EIF4ENIF1: variants seen among roughly 807,000 people sequenced by gnomAD.
EIF4ENIF1 encodes the protein eukaryotic translation initiation factor 4E nuclear import factor 1.
Under a neutral mutation model 110.5 loss-of-function variants are expected in EIF4ENIF1, and 23 were observed. That is an observed-to-expected ratio of 0.21 (90% confidence interval 0.15 to 0.29). The LOEUF is 0.29. Ranked by LOEUF, EIF4ENIF1 falls within the 10% of genes least tolerant of loss-of-function variation. EIF4ENIF1 has a pLI of 1.00. For synonymous variants in EIF4ENIF1, 440 were observed against 437.0 expected (o/e 1.01, Z -0.09); for missense variants, 1,031 against 1,221.1 (o/e 0.84, Z 2.32).
chr22:31,479,794 C>G (rs2051743129), intron 2 of EIF4ENIF1, among the ~76,000 whole-genome samples: 1 of 150,080 alleles, frequency 6.7e-6, no homozygotes, highest in Non-Finnish European at 1.5e-5. Flanking sequence ...ACTGCAGCCT[C>G]AAAACTCATG....
chr22:31,468,811 C>T (rs1417652168), intron 3 of EIF4ENIF1, among the ~76,000 whole-genome samples: 1 of 152,102 alleles, frequency 6.6e-6, no homozygotes, highest in Non-Finnish European at 1.5e-5. Flanking sequence ...CACACAACAC[C>T]AACAGTCACT....
intron 2 of EIF4ENIF1, among the ~76,000 whole-genome samples, chr22:31,477,124 A>G (rs1026861748): frequency 6.6e-6 from 1 of 151,824 alleles, no homozygotes; most frequent in African/African-American, 2.4e-5. Context: ...GTCTCAAAAA[A>G]AAAAGAGGCC....
intron 2 of EIF4ENIF1, among the ~76,000 whole-genome samples, chr22:31,481,669 T>C (rs1358797175): frequency 6.6e-6 from 1 of 152,226 alleles, no homozygotes; most frequent in Non-Finnish European, 1.5e-5. Context: ...CTTCTGATTA[T>C]ATCCAAGAAG....
chr22:31,473,308 G>T (rs1168981291), intron 2 of EIF4ENIF1, among the ~76,000 whole-genome samples: 5 of 152,100 alleles, frequency 3.3e-5, no homozygotes, highest in Non-Finnish European at 7.4e-5. Flanking sequence ...ATGCCTCAGG[G>T]CATGAAGACT....
chr22:31,463,162 A>T (rs2145986483), intron 5 of EIF4ENIF1, 29 bp from the exon 6 acceptor site: 1 of 1,604,510 alleles, frequency 6.2e-7, no homozygotes, highest in Middle Eastern at 1.7e-4. Context: ...CAAGATTAAA[A>T]AATTTCTAGT....
chr22:31,464,583 C>T (rs1685003610), intron 4 of EIF4ENIF1, among the ~76,000 whole-genome samples: 1 of 143,880 alleles, frequency 7.0e-6, no homozygotes, highest in South Asian at 2.3e-4. Flanking sequence ...GAGGCTGAGG[C>T]AGGAGAATCG....
intron 3 of EIF4ENIF1, among the ~76,000 whole-genome samples, chr22:31,469,989 C>T (rs1482814476): frequency 6.6e-6 from 1 of 151,780 alleles, no homozygotes. Context: ...CATGGTGAAA[C>T]CCCGTCTCTA....
rs779070169 is a variant in EIF4ENIF1 at position 31,442,122 on chromosome 22, T to C, written c.2207-4A>G. 6 of 1,593,936 alleles carry C rather than the reference T, an allele frequency of 3.8e-6. No individual in the cohort carries two copies. The highest frequency in any genetic ancestry group is 5.1e-6 in the Non-Finnish European group (6 of 1,167,680). ...GAGCTGGATGACAGGAGGTTTTCTG[T>C]GAGGAACCAAACAAAAAATATTTTG... On this transcript the variant is annotated splice_region_variant and splice_polypyrimidine_tract_variant and intron_variant, in intron 16 of 18. Transcript: ENST00000330125.
upstream of EIF4ENIF1, among the ~76,000 whole-genome samples, chr22:31,490,663 C>CAG (rs1378418879): frequency 6.6e-6 from 1 of 152,158 alleles, no homozygotes; most frequent in Non-Finnish European, 1.5e-5. Context: ...CCACGTAGTG[C>CAG]AGACTCAGGC....
intron 4 of EIF4ENIF1, among the ~76,000 whole-genome samples, chr22:31,465,156 T>C (rs1286727100): frequency 6.6e-6 from 1 of 151,738 alleles, no homozygotes; most frequent in Non-Finnish European, 1.5e-5. Flanking sequence ...AAACCTCGTC[T>C]CTACTAAAAA....
chr22:31,464,136 A>C, intron 4 of EIF4ENIF1, 169 bp from the exon 5 acceptor site: 1 of 775,670 alleles, frequency 1.3e-6, no homozygotes, highest in Non-Finnish European at 2.0e-6. Context: ...ATGTATTTAA[A>C]TAAGGCTGAG....
intron 2 of EIF4ENIF1, among the ~76,000 whole-genome samples, 198 bp from the exon 3 acceptor site, chr22:31,472,115 T>G (rs2051400665): frequency 6.6e-6 from 1 of 152,184 alleles, no homozygotes; most frequent in South Asian, 2.1e-4. Context: ...AACTTAAAAG[T>G]GATCAGTTTC....
Position 31,462,995 on chromosome 22 carries a change from T to C in EIF4ENIF1, c.724A>G (p.Ile242Val), listed in dbSNP as rs779276866. The change falls in exon 6 of 19, where the codon ATA (isoleucine) becomes GTA (valine). Residue 242 changes from isoleucine (I) to valine (V), a missense_variant. Ile to Val is a conservative substitution (Grantham distance 29). This residue lies in a region of EIF4ENIF1 where 704 missense variants were observed against 879.7 expected (regional missense o/e 0.80). Coordinates refer to ENST00000330125, the MANE Select transcript of EIF4ENIF1 (RefSeq NM_019843.4). ...TIELTGFDDK[I>V]LEEDHKGRKR... ...CTCCCTTTGTGATCTTCTTCTAGTATCTTATCATCAAAGCCAGTCAGTTCG... is the reference window on the plus strand; with the variant it reads ...CTCCCTTTGTGATCTTCTTCTAGTACCTTATCATCAAAGCCAGTCAGTTCG... 2 of 1,614,076 alleles carry C rather than the reference T, an allele frequency of 1.2e-6. No homozygotes were observed. The highest frequency in any genetic ancestry group is 3.3e-5 in the Admixed American group (2 of 60,000).
intron 10 of EIF4ENIF1, chr22:31,450,896 A>ACACACACACACACACACACAC (rs747824280): frequency 8.7e-6 from 1 of 115,368 alleles, no homozygotes; most frequent in African/African-American, 3.4e-5. Context: ...CACACACACA[A>ACACACACACACACACACACAC]AAGAGACAGG....
At chr22:31,456,539 C>CA (rs1201433424) in intron 7 of EIF4ENIF1, among the ~76,000 whole-genome samples, 1 of 149,404 alleles carries the variant, frequency 6.7e-6, no homozygotes, top group Non-Finnish European at 1.5e-5. Context: ...TTTTTTAAGA[C>CA]AGTCTCGCTC....
At chr22:31,437,040 TAG>T (rs1385488800), downstream of EIF4ENIF1, 1 of 152,214 alleles carries the variant, frequency 6.6e-6, no homozygotes, top group South Asian at 2.1e-4. Flanking sequence ...TCCCTGTTAA[TAG>T]AGTCTGGCTT....
At chr22:31,476,226 A>G (rs1274557253) in intron 2 of EIF4ENIF1, among the ~76,000 whole-genome samples, 1 of 152,166 alleles carries the variant, frequency 6.6e-6, no homozygotes, top group Non-Finnish European at 1.5e-5. Flanking sequence ...ATCAAAGACA[A>G]TCTTTCACGC....
At position 31,456,101 on chromosome 22, in the gene EIF4ENIF1, A is replaced by G. The variant is rs535980577; in HGVS notation, c.964-114T>C. 17 of 1,045,512 alleles carry G rather than the reference A, an allele frequency of 1.6e-5. No homozygotes were observed. In the East Asian group the frequency reaches 4.2e-4, roughly 26 times the overall value. The allele number at this position is 1,045,512 out of a possible 1,614,324, so 64.8% of individuals were successfully genotyped here. On this transcript the variant is annotated intron_variant, in intron 7 of 18. Transcript: ENST00000330125. ...ACTTCCTTTCATGCTCGTGACCTGA[A>G]GATAAATACTCTCAGAACCTAGGAA...
chr22:31,473,309 C>A (rs892302576), intron 2 of EIF4ENIF1, among the ~76,000 whole-genome samples: 1 of 152,110 alleles, frequency 6.6e-6, no homozygotes, highest in Non-Finnish European at 1.5e-5. Flanking sequence ...TGCCTCAGGG[C>A]ATGAAGACTT....
Sources: allele counts gnomAD v4.1 joint callset (sites outside exome capture counted in the v4.1 genomes callset), GRCh38; gene constraint gnomAD v4.1.1; regional missense constraint gnomAD v4.1.1; transcripts MANE v1.5; gene names NCBI Gene and HGNC (gene_info 2026-07-23, HGNC 2026-07-21).